Variants in ACCS observed in about 807,000 individuals in gnomAD.
ACCS encodes the protein 1-aminocyclopropane-1-carboxylate synthase homolog (inactive), also known as 1-aminocyclopropane-1-carboxylate synthase-like protein 1.
A neutral mutation model predicts 59.8 loss-of-function variants in ACCS; 42 were observed. The ratio of observed to expected loss-of-function variants is 0.70; its 90% CI spans 0.55 to 0.91. The LOEUF is 0.91. Among genes scored for constraint, ACCS ranks in the 40% least tolerant of loss-of-function variants. The pLI is 0.00. For missense variants in ACCS, 602 were observed against 630.4 expected (o/e 0.95, Z 0.48); for synonymous variants, 230 against 240.3 (o/e 0.96, Z 0.40).
At chr11:44,074,311 A>T (rs1200597037) in intron 4 of ACCS, among the ~76,000 whole-genome samples, 1 of 152,176 alleles carries the variant, frequency 6.6e-6, no homozygotes, top group African/African-American at 2.4e-5. Flanking sequence ...AATGGTGCCA[A>T]TAGTTGTTGT....
chr11:44,083,578 G>A lies in ACCS; in HGVS notation c.1408+1G>A. 1 of 1,614,232 alleles carries A rather than the reference G, an allele frequency of 6.2e-7. No individual in the cohort carries two copies. Among genetic ancestry groups the A allele is most frequent in the African/African-American group, 1.3e-5 (1 of 75,074 alleles). ...GACCAGGTCCACCGGCTTTGCCTGG[G>A]TGAGCAGCCTGCCTTTCCAGCCCAG... is the stretch of plus-strand genomic sequence containing the variant. On this transcript the variant is annotated splice_donor_variant, in intron 14 of 14. Coordinates refer to ENST00000263776, the MANE Select transcript of ACCS (RefSeq NM_032592.4). LOFTEE classifies it high-confidence loss of function.
At chr11:44,083,341 G>C in intron 13 of ACCS, 30 bp downstream of exon 13, 1 of 1,612,972 alleles carries the variant, frequency 6.2e-7, no homozygotes, top group Non-Finnish European at 8.5e-7. Context: ...GGGCTGAGAG[G>C]GAGTTTCAGG....
chr11:44,074,269 A>G (rs1953202659), intron 4 of ACCS, among the ~76,000 whole-genome samples: 1 of 152,236 alleles, frequency 6.6e-6, no homozygotes, highest in Non-Finnish European at 1.5e-5. Context: ...ACATTTATAG[A>G]AGGTAAATGC....
rs925106357 is a variant in ACCS, at chr11:44,078,624, C to A, written c.733-60C>A. On this transcript the variant is annotated intron_variant, in intron 8 of 14. Transcript: ENST00000263776. Reference sequence around the variant, plus strand: ...CCTTCCAGCGATCAGCCCCCTTTGACTGTGTGGCTCTGGCCTTGGGGAAGA... The same window carrying A: ...CCTTCCAGCGATCAGCCCCCTTTGAATGTGTGGCTCTGGCCTTGGGGAAGA... 1.0e-4 allele frequency: 153 copies of A among 1,503,302 alleles called. 2 individuals carry two copies. The South Asian group carries it at 1.7e-3, about 17-fold the overall frequency. The allele number at this position is 1,503,302 out of a possible 1,614,324, so 93.1% of individuals were successfully genotyped here. A position where few individuals can be genotyped will look rare whatever the true frequency, so the allele number is the denominator to read the frequency against.
chr11:44,075,784 T>G lies in ACCS; in HGVS notation c.556+192T>G, dbSNP rs377039198. On this transcript the variant is annotated intron_variant, in intron 6 of 14. Coordinates refer to ENST00000263776, the MANE Select transcript of ACCS (RefSeq NM_032592.4). ...AGTTCCAGGGGAGGTTAGTTTGATG[T>G]CAGGGTCCTGGGCTTTCTCTCTGCC... 4.8e-6 allele frequency: 3 copies of G among 620,012 alleles called. No individual in the cohort carries two copies. In the South Asian group the frequency reaches 7.0e-5, roughly 14 times the overall value. The allele number at this position is 620,012 out of a possible 1,614,324, so 38.4% of individuals were successfully genotyped here.
intron 1 of ACCS, among the ~76,000 whole-genome samples, chr11:44,066,961 C>T (rs146412729): frequency 9.8e-4 from 149 of 152,276 alleles, no homozygotes; most frequent in Admixed American, 1.4e-3. Context: ...TCACGGCCAC[C>T]CCGAGGTGGT....
intron 5 of ACCS, among the ~76,000 whole-genome samples, chr11:44,075,313 T>C (rs1215845510): frequency 6.6e-6 from 1 of 152,194 alleles, no homozygotes; most frequent in Non-Finnish European, 1.5e-5. Flanking sequence ...CGAGACCCTC[T>C]AAATGACCAG....
intron 3 of ACCS, 64 bp from the exon 4 acceptor site, chr11:44,073,383 C>T (rs1953154749): frequency 7.4e-7 from 1 of 1,353,456 alleles, no homozygotes; most frequent in African/African-American, 1.4e-5. Flanking sequence ...CTTTACCTGC[C>T]CTGTGCTGTG....
intron 9 of ACCS, 110 bp downstream of exon 9, chr11:44,078,894 G>T (rs1953504525): frequency 3.5e-6 from 3 of 851,526 alleles, no homozygotes; most frequent in Admixed American, 4.8e-5. Flanking sequence ...GCTGCTACTT[G>T]CTTGGGCCCT....
At chr11:44,081,133 T>A (rs1421543283) in intron 11 of ACCS, 46 bp from the exon 12 acceptor site, 17 of 1,614,046 alleles carry the variant, frequency 1.1e-5, no homozygotes, top group Non-Finnish European at 1.0e-5. Context: ...GGAACCAGCT[T>A]CCTCCATGGA....
intron 10 of ACCS, among the ~76,000 whole-genome samples, chr11:44,080,235 A>G (rs1953575775): frequency 6.6e-6 from 1 of 152,180 alleles, no homozygotes; most frequent in African/African-American, 2.4e-5. Flanking sequence ...AAAGAAAAAG[A>G]AAGTGGGGAC....
At position 44,071,244 on chromosome 11, in the gene ACCS, T is replaced by C; in HGVS notation, c.289-12T>C. On this transcript the variant is annotated splice_polypyrimidine_tract_variant and intron_variant, in intron 2 of 14. Transcript: ENST00000263776. ...GCCATGCTAACTCTGCCTCTGTACC[T>C]CTCATCTCCAGGGCATCATTAACTT... The C allele has an allele frequency of 6.2e-7, 1 of 1,614,052 alleles. No homozygotes were observed. Among genetic ancestry groups the C allele is most frequent in the African/African-American group, 1.3e-5 (1 of 75,036 alleles).
At chr11:44,071,790 A>T (rs1459898402) in intron 3 of ACCS, 2 of 153,312 alleles carry the variant, frequency 1.3e-5, no homozygotes, top group Non-Finnish European at 2.9e-5. Flanking sequence ...ACATGTAGAC[A>T]GAACTGACCT....
chr11:44,067,553 T>C, intron 1 of ACCS, 75 bp from the exon 2 acceptor site: 1 of 1,465,446 alleles, frequency 6.8e-7, no homozygotes, highest in Non-Finnish European at 9.2e-7. Flanking sequence ...GGGACTCCCA[T>C]GACTCCAACT....
chr11:44,069,748 A>G (rs372937819), intron 2 of ACCS, among the ~76,000 whole-genome samples: 47 of 152,338 alleles, frequency 3.1e-4, no homozygotes, highest in Middle Eastern at 3.4e-3. Context: ...TCTCAGGGCA[A>G]GTGATTCAAG....
intron 3 of ACCS, 155 bp from the exon 4 acceptor site, chr11:44,073,292 C>T: frequency 2.8e-6 from 2 of 708,426 alleles, no homozygotes; most frequent in East Asian, 5.5e-5. Flanking sequence ...CCTCAGTTTC[C>T]TCACCTGCAA....
intron 12 of ACCS, 130 bp from the exon 13 acceptor site, chr11:44,083,039 C>A: frequency 8.2e-7 from 1 of 1,221,346 alleles, no homozygotes; most frequent in Non-Finnish European, 1.2e-6. Flanking sequence ...CCCACCACAG[C>A]AGCCAGCTAG....
chr11:44,074,483 A>G, intron 4 of ACCS, 129 bp from the exon 5 acceptor site: 1 of 753,486 alleles, frequency 1.3e-6, no homozygotes, highest in African/African-American at 1.7e-5. Flanking sequence ...AGACAGATAC[A>G]CCCACACCCC....
chr11:44,081,394 G>C, intron 12 of ACCS, 74 bp downstream of exon 12: 4 of 1,582,336 alleles, frequency 2.5e-6, no homozygotes, highest in Non-Finnish European at 3.4e-6. Context: ...AGGAATCATA[G>C]ATACTTCTCC....
Sources: gnomAD v4.1 joint callset for allele counts (sites outside exome capture counted in the v4.1 genomes callset) on GRCh38, gnomAD v4.1.1 for gene constraint, MANE v1.5 for transcripts, NCBI Gene and HGNC (gene_info 2026-07-23, HGNC 2026-07-21) for gene names.